The following DNM3 variants were observed in gnomAD, a reference collection of about 807,000 sequenced individuals.
DNM3 encodes dynamin 3, also known as dynamin-3.
In DNM3, 47 loss-of-function variants were observed where a neutral mutation model predicts 101.6. The observed-to-expected ratio is 0.46, with a 90% CI of 0.37 to 0.59. The LOEUF (loss-of-function observed/expected upper bound fraction) is 0.59. Among genes scored for constraint, DNM3 ranks in the 20% least tolerant of loss-of-function variants. The pLI, the probability that DNM3 is intolerant of heterozygous loss-of-function variation, is 0.00. For synonymous variants in DNM3, 385 were observed against 387.9 expected (o/e 0.99, Z 0.09); for missense variants, 849 against 1,085.7 (o/e 0.78, Z 3.06).
intron 17 of DNM3, among the ~76,000 whole-genome samples, chr1:172,377,256 T>A (rs4916251): frequency 0.71 from 106,820 of 151,482 alleles, 40,621 homozygotes; most frequent in East Asian, 0.88. Context: ...GGTTGACAAT[T>A]ACGATGATAC....
intron 1 of DNM3, among the ~76,000 whole-genome samples, chr1:171,914,758 C>G (rs944750881): frequency 6.6e-5 from 10 of 152,152 alleles, no homozygotes; most frequent in Admixed American, 1.3e-4. Flanking sequence ...ATTGTTTTCT[C>G]TCTATGTTAT....
At chr1:172,345,982 G>A (rs936227624) in intron 17 of DNM3, among the ~76,000 whole-genome samples, 5 of 151,972 alleles carry the variant, frequency 3.3e-5, no homozygotes, top group Non-Finnish European at 5.9e-5. Flanking sequence ...TTAGCCGGGC[G>A]TGCTTGTGGG....
chr1:172,254,274 C>T (rs1007212094), intron 15 of DNM3, among the ~76,000 whole-genome samples: 1 of 152,064 alleles, frequency 6.6e-6, no homozygotes, highest in African/African-American at 2.4e-5. Context: ...TTTCTTGTCC[C>T]AATATATTGT....
intron 11 of DNM3, among the ~76,000 whole-genome samples, chr1:172,080,031 G>A (rs556637159): frequency 7.2e-5 from 11 of 152,130 alleles, no homozygotes; most frequent in South Asian, 4.2e-4. Flanking sequence ...GATGCCAGCC[G>A]GGGGTCTCCT....
intron 6 of DNM3, among the ~76,000 whole-genome samples, chr1:172,033,929 T>C (rs1471091307): frequency 6.6e-6 from 1 of 152,186 alleles, no homozygotes; most frequent in Non-Finnish European, 1.5e-5. Context: ...AGCATCATTG[T>C]CATTGAATGC....
intron 5 of DNM3, 45 bp from the exon 6 acceptor site, chr1:172,033,060 C>G: frequency 6.3e-7 from 1 of 1,591,526 alleles, no homozygotes; most frequent in South Asian, 1.1e-5. Flanking sequence ...CTAGAATAAG[C>G]CACAAAAAGT....
At chr1:172,303,899 C>T (rs1056275527) in intron 15 of DNM3, among the ~76,000 whole-genome samples, 1 of 152,046 alleles carries the variant, frequency 6.6e-6, no homozygotes, top group Non-Finnish European at 1.5e-5. Flanking sequence ...TGGAAAGGAA[C>T]AACTGGTACC....
At chr1:172,037,332 T>G (rs988321995) in intron 6 of DNM3, among the ~76,000 whole-genome samples, 1 of 152,098 alleles carries the variant, frequency 6.6e-6, no homozygotes, top group Non-Finnish European at 1.5e-5. Flanking sequence ...TATAAATACA[T>G]ATGCACACGT....
intron 15 of DNM3, among the ~76,000 whole-genome samples, chr1:172,292,601 T>TACACACA (rs10624827): frequency 6.7e-6 from 1 of 148,576 alleles, no homozygotes; most frequent in Non-Finnish European, 1.5e-5. Flanking sequence ...ATAGAAGACT[T>TACACACA]CACACACACA....
chr1:171,886,633 T>C (rs1326605818), intron 1 of DNM3, among the ~76,000 whole-genome samples: 1 of 152,054 alleles, frequency 6.6e-6, no homozygotes, highest in Non-Finnish European at 1.5e-5. Flanking sequence ...GATATGAGAG[T>C]CTGTAATAGA....
At chr1:171,981,233 A>G (rs1328727184) in intron 2 of DNM3, among the ~76,000 whole-genome samples, 1 of 152,044 alleles carries the variant, frequency 6.6e-6, no homozygotes, top group Non-Finnish European at 1.5e-5. Flanking sequence ...TATGTATATG[A>G]CCCCTGTACT....
At chr1:172,108,221 C>T (rs1034619315) in intron 13 of DNM3, among the ~76,000 whole-genome samples, 1 of 152,086 alleles carries the variant, frequency 6.6e-6, no homozygotes, top group African/African-American at 2.4e-5. Context: ...TCAGATTTAT[C>T]ATATAGTAGC....
intron 1 of DNM3, among the ~76,000 whole-genome samples, chr1:171,879,111 T>C (rs1436696326): frequency 6.6e-6 from 1 of 152,236 alleles, no homozygotes; most frequent in Non-Finnish European, 1.5e-5. Context: ...ATGTACTAGT[T>C]TGAATCATTT....
intron 2 of DNM3, among the ~76,000 whole-genome samples, chr1:171,940,016 G>T (rs1019378259): frequency 6.6e-6 from 1 of 152,098 alleles, no homozygotes; most frequent in Non-Finnish European, 1.5e-5. Context: ...CACTGACCAC[G>T]CAGAGAAGGA....
At chr1:172,386,173 CTTT>C (rs1420280243) in intron 18 of DNM3, among the ~76,000 whole-genome samples, 2 of 152,162 alleles carry the variant, frequency 1.3e-5, no homozygotes, top group Non-Finnish European at 2.9e-5. Context: ...ACATTCACTT[CTTT>C]TTATTTAATA....
At chr1:171,868,969 G>A (rs1192921743) in intron 1 of DNM3, among the ~76,000 whole-genome samples, 1 of 152,134 alleles carries the variant, frequency 6.6e-6, no homozygotes, top group South Asian at 2.1e-4. Flanking sequence ...TTTTAGTAGA[G>A]ACAGGGTTTC....
At chr1:171,895,501 T>A (rs2037703194) in intron 1 of DNM3, among the ~76,000 whole-genome samples, 1 of 152,154 alleles carries the variant, frequency 6.6e-6, no homozygotes, top group South Asian at 2.1e-4. Context: ...TTTTTTCTTG[T>A]AAATTTGTTT....
intron 14 of DNM3, among the ~76,000 whole-genome samples, chr1:172,222,791 T>A (rs1391574331): frequency 1.3e-5 from 2 of 152,132 alleles, no homozygotes; most frequent in African/African-American, 2.4e-5. Flanking sequence ...AAACATATGA[T>A]GAAGGGAAAA....
intron 14 of DNM3, among the ~76,000 whole-genome samples, chr1:172,247,404 G>A (rs1010580929): frequency 6.6e-6 from 1 of 152,092 alleles, no homozygotes; most frequent in African/African-American, 2.4e-5. Flanking sequence ...TTCTAGTGAA[G>A]CATAAGTACT....
Sources: allele counts gnomAD v4.1 joint callset (sites outside exome capture counted in the v4.1 genomes callset), GRCh38; gene constraint gnomAD v4.1.1; transcripts MANE v1.5; gene names NCBI Gene and HGNC (gene_info 2026-07-23, HGNC 2026-07-21).